Variants in AGBL3 observed in about 807,000 individuals in gnomAD.
AGBL3 encodes AGBL carboxypeptidase 3, also known as cytosolic carboxypeptidase 3.
A neutral mutation model predicts 94.5 loss-of-function variants in AGBL3; 68 were observed. The observed-to-expected ratio is 0.72, with a 90% CI of 0.59 to 0.88. The LOEUF is 0.88. Among genes scored for constraint, AGBL3 ranks in the 40% least tolerant of loss-of-function variants. The probability of loss-of-function intolerance (pLI) is 0.00; values close to 1 mark genes in which losing one functional copy is unlikely to be tolerated. For missense variants in AGBL3, 934 were observed against 1,103.8 expected (o/e 0.85, Z 2.18); for synonymous variants, 354 against 370.7 (o/e 0.95, Z 0.52).
intron 12 of AGBL3, among the ~76,000 whole-genome samples, chr7:135,061,972 G>A (rs1486202906): frequency 6.6e-6 from 1 of 152,012 alleles, no homozygotes; most frequent in Non-Finnish European, 1.5e-5. Context: ...ACTTTGGGTA[G>A]TATGGACAAT....
intron 5 of AGBL3, among the ~76,000 whole-genome samples, chr7:135,024,175 AAC>A (rs1814829853): frequency 6.6e-6 from 1 of 152,166 alleles, no homozygotes; most frequent in Non-Finnish European, 1.5e-5. Flanking sequence ...ACAACAAAAA[AAC>A]ACAAGTGGCA....
At chr7:135,117,582 T>G (rs1005710605) in intron 16 of AGBL3, among the ~76,000 whole-genome samples, 1 of 152,116 alleles carries the variant, frequency 6.6e-6, no homozygotes, top group African/African-American at 2.4e-5. Flanking sequence ...GTTGAGACAG[T>G]CAAACAAATG....
chr7:135,128,313 A>C (rs1465067190), intron 16 of AGBL3: 25 of 245,520 alleles, frequency 1.0e-4, no homozygotes, highest in Middle Eastern at 2.9e-3. Flanking sequence ...AAAAAAAAAA[A>C]AAAAAACGAA....
intron 12 of AGBL3, among the ~76,000 whole-genome samples, chr7:135,073,835 A>G (rs1483248001): frequency 1.3e-5 from 2 of 152,136 alleles, no homozygotes; most frequent in Non-Finnish European, 2.9e-5. Context: ...TCAGGGGTCG[A>G]TCTTTAACTA....
At chr7:135,061,361 A>G (rs1472376830) in intron 12 of AGBL3, among the ~76,000 whole-genome samples, 4 of 151,942 alleles carry the variant, frequency 2.6e-5, no homozygotes, top group Non-Finnish European at 5.9e-5. Context: ...TGATTGTTTC[A>G]TTGGCTGTAC....
At chr7:135,067,772 A>G (rs537823538) in intron 12 of AGBL3, among the ~76,000 whole-genome samples, 1 of 152,328 alleles carries the variant, frequency 6.6e-6, no homozygotes, top group East Asian at 1.9e-4. Context: ...AGGTAGATAA[A>G]ACCACAAAGA....
At chr7:135,125,402 A>T (rs1482093296) in intron 16 of AGBL3, among the ~76,000 whole-genome samples, 1 of 152,186 alleles carries the variant, frequency 6.6e-6, no homozygotes, top group Admixed American at 6.5e-5. Context: ...AATAATTAAT[A>T]GCCTACCAAG....
intron 12 of AGBL3, among the ~76,000 whole-genome samples, chr7:135,064,078 T>A (rs1456796913): frequency 1.5e-4 from 23 of 152,178 alleles, no homozygotes; most frequent in Non-Finnish European, 2.8e-4. Flanking sequence ...AAGCCTCTGA[T>A]TAACATTCCA....
intron 4 of AGBL3, among the ~76,000 whole-genome samples, chr7:135,004,798 G>T (rs1161910531): frequency 2.6e-5 from 4 of 151,268 alleles, no homozygotes; most frequent in Non-Finnish European, 5.9e-5. Context: ...TTTCTCCCCT[G>T]AGTATGTTGG....
chr7:135,088,307 T>A (rs1473790062), intron 15 of AGBL3, among the ~76,000 whole-genome samples: 2 of 152,132 alleles, frequency 1.3e-5, no homozygotes, highest in Non-Finnish European at 2.9e-5. Context: ...ACATTTAAGG[T>A]TTTTATTAAT....
intron 5 of AGBL3, 133 bp downstream of exon 5, chr7:135,017,292 T>C: frequency 1.5e-6 from 1 of 676,756 alleles, no homozygotes; most frequent in East Asian, 2.8e-5. Context: ...TGTTTGTTTA[T>C]ATATTGATCC....
chr7:135,099,524 A>G (rs1319178175), intron 15 of AGBL3, among the ~76,000 whole-genome samples: 1 of 152,136 alleles, frequency 6.6e-6, no homozygotes, highest in Non-Finnish European at 1.5e-5. Context: ...TCTCTTTTTT[A>G]GTGAAAATAC....
intron 13 of AGBL3, among the ~76,000 whole-genome samples, chr7:135,077,557 C>A (rs1820568584): frequency 1.3e-5 from 2 of 152,030 alleles, no homozygotes. Flanking sequence ...AGCTTAAGGA[C>A]AGTCTCAAAA....
At chr7:135,082,815 ATG>A (rs1418838984) in intron 15 of AGBL3, among the ~76,000 whole-genome samples, 2 of 152,062 alleles carry the variant, frequency 1.3e-5, no homozygotes, top group South Asian at 4.1e-4. Context: ...ATATATATGC[ATG>A]TGTGAATACA....
chr7:135,108,324 T>G (rs1825075813), intron 15 of AGBL3, among the ~76,000 whole-genome samples: 1 of 151,954 alleles, frequency 6.6e-6, no homozygotes, highest in Admixed American at 6.6e-5. Flanking sequence ...GTCTACGTAC[T>G]TAAGTGTTTT....
At chr7:135,075,332 C>T (rs1820348983) in intron 12 of AGBL3, among the ~76,000 whole-genome samples, 2 of 152,186 alleles carry the variant, frequency 1.3e-5, no homozygotes, top group African/African-American at 4.8e-5. Flanking sequence ...CAATATGTAA[C>T]GTGCTGGGAT....
intron 12 of AGBL3, among the ~76,000 whole-genome samples, chr7:135,072,090 A>C (rs1409693392): frequency 6.6e-6 from 1 of 152,236 alleles, no homozygotes; most frequent in Non-Finnish European, 1.5e-5. Flanking sequence ...ACCCCATCAA[A>C]AAGTGGGCGA....
At chr7:135,028,011 A>C (rs1182020633) in intron 5 of AGBL3, among the ~76,000 whole-genome samples, 3 of 151,722 alleles carry the variant, frequency 2.0e-5, no homozygotes, top group Non-Finnish European at 4.4e-5. Context: ...AAAGTCCATT[A>C]GGTGTGAAAT....
intron 5 of AGBL3, among the ~76,000 whole-genome samples, chr7:135,031,409 A>C (rs1338305204): frequency 1.3e-5 from 2 of 152,004 alleles, no homozygotes; most frequent in African/African-American, 4.8e-5. Flanking sequence ...ACAGGCATGC[A>C]CCACTACACC....
Sources: allele counts gnomAD v4.1 joint callset (sites outside exome capture counted in the v4.1 genomes callset), GRCh38; gene constraint gnomAD v4.1.1; transcripts MANE v1.5; gene names NCBI Gene and HGNC (gene_info 2026-07-23, HGNC 2026-07-21).